Variants in LYPD1 observed in about 807,000 individuals in gnomAD.
LYPD1 encodes the protein ly6/PLAUR domain-containing protein 1.
A neutral mutation model predicts 14.2 loss-of-function variants in LYPD1; 14 were observed. The observed-to-expected ratio is 0.99, with a 90% CI of 0.65 to 1.54. The LOEUF (loss-of-function observed/expected upper bound fraction) is 1.54. Ranked by LOEUF, LYPD1 falls within the 40% of genes most tolerant of loss-of-function variation. LYPD1 has a pLI of 0.00. For missense variants in LYPD1, 165 were observed against 175.7 expected (o/e 0.94, Z 0.34); for synonymous variants, 85 against 70.6 (o/e 1.20, Z -1.02).
At position 132,653,055 on chromosome 2, in the gene LYPD1, A is replaced by G. The variant is rs368409511; in HGVS notation, c.191-6775T>C. Among the ~76,000 whole-genome samples, 5 of 152,344 alleles carry G rather than the reference A, an allele frequency of 3.3e-5. No individual in the cohort carries two copies. In the East Asian group the frequency reaches 5.8e-4, roughly 18 times the overall value. Reference sequence around the variant, plus strand: ...CCAAGCTCTGGAGTTTCCAGAAGCCATGATCCTCTCCTTTAATGGCCTTAT... The same window carrying G: ...CCAAGCTCTGGAGTTTCCAGAAGCCGTGATCCTCTCCTTTAATGGCCTTAT... On this transcript the variant is annotated intron_variant, in intron 2 of 2. Coordinates refer to ENST00000397463, the MANE Select transcript of LYPD1 (RefSeq NM_144586.7).
rs1363657870 is a variant in LYPD1 at position 132,645,985 on chromosome 2, G to A, written c.*60C>T. 1 of 1,285,534 alleles carries A rather than the reference G, an allele frequency of 7.8e-7. No individual in the cohort carries two copies. The highest frequency in any genetic ancestry group is 1.1e-6 in the Non-Finnish European group (1 of 939,208). 79.6% of individuals were successfully genotyped at this position (1,285,534 alleles called of 1,614,324 possible). ...CCAGAAGAAACTCACTCAGGGAGGT[G>A]GGGGGTTGGGGGCGAGGGCTGGAAG... On this transcript the variant is annotated 3_prime_UTR_variant, in exon 3 of 3. Coordinates refer to ENST00000397463, the MANE Select transcript of LYPD1 (RefSeq NM_144586.7).
chr2:132,649,245 G>T (rs1001385305), intron 2 of LYPD1, among the ~76,000 whole-genome samples: 2 of 152,092 alleles, frequency 1.3e-5, no homozygotes, highest in African/African-American at 4.8e-5. Flanking sequence ...AGAAAACAAA[G>T]GCATTTTACT....
upstream of LYPD1, chr2:132,670,215 C>A (rs923617786): frequency 6.3e-6 from 6 of 949,560 alleles, no homozygotes; most frequent in Admixed American, 4.5e-5. This position sits in a 1 kb window ranked among gnomAD's most constrained non-coding sequence, Gnocchi z 4.5. Context: ...GAACTACTGG[C>A]GATCGGGAGC....
chr2:132,670,041 C>A lies in LYPD1; in HGVS notation c.-109G>T, dbSNP rs1238958425. The A allele has an allele frequency of 1.3e-6, 2 of 1,544,728 alleles. No individual in the cohort carries two copies. The highest frequency in any genetic ancestry group is 3.9e-5 in the Admixed American group (2 of 51,216). On this transcript the variant is annotated 5_prime_UTR_variant, in exon 1 of 3. Coordinates refer to ENST00000397463, the MANE Select transcript of LYPD1 (RefSeq NM_144586.7). This position sits in a 1 kb window ranked among gnomAD's most constrained non-coding sequence, Gnocchi z 4.5. ...TGGCTGCCGAGGCTGCTGGGGCCCG[C>A]GCTGCTGCCGCGGAGACGACGGTCG...
chr2:132,646,286 A>C lies in LYPD1; in HGVS notation c.191-6T>G. 6.8e-7 allele frequency: 1 copy of C among 1,477,834 alleles called. No homozygotes were observed. The highest frequency in any genetic ancestry group is 9.0e-7 in the Non-Finnish European group (1 of 1,107,426). The allele number at this position is 1,477,834 out of a possible 1,614,324, so 91.5% of individuals were successfully genotyped here. A position where few individuals can be genotyped will look rare whatever the true frequency, so the allele number is the denominator to read the frequency against. ...GGACTTGCGGTACATGATCCCTGTAACACAGACCCAAAGGAGCTGAGTTAA... is the reference window on the plus strand; with the variant it reads ...GGACTTGCGGTACATGATCCCTGTACCACAGACCCAAAGGAGCTGAGTTAA... On this transcript the variant is annotated splice_region_variant and splice_polypyrimidine_tract_variant and intron_variant, in intron 2 of 2. Transcript: ENST00000397463.
intron 2 of LYPD1, among the ~76,000 whole-genome samples, chr2:132,661,279 G>T (rs536298061): frequency 6.6e-6 from 1 of 152,244 alleles, no homozygotes; most frequent in African/African-American, 2.4e-5. Flanking sequence ...TAATAGATGG[G>T]CAAGAATGGA....
chr2:132,650,820 C>A (rs534674310), intron 2 of LYPD1, among the ~76,000 whole-genome samples: 66 of 151,960 alleles, frequency 4.3e-4, no homozygotes, highest in African/African-American at 1.4e-3. Context: ...CTCATTTAAT[C>A]TTTGTAGTAA....
intron 2 of LYPD1, among the ~76,000 whole-genome samples, chr2:132,651,061 A>C (rs1231091584): frequency 6.6e-6 from 1 of 152,248 alleles, no homozygotes. Context: ...ATGCATAAAA[A>C]TGTATGGAAA....
chr2:132,668,676 T>C (rs1683434173), intron 1 of LYPD1, 139 bp from the exon 2 acceptor site: 1 of 1,247,616 alleles, frequency 8.0e-7, no homozygotes, highest in East Asian at 2.9e-5. Context: ...CGGGTAGGGC[T>C]GGATGTGGCT....
rs1381791195 is a variant in LYPD1, at chr2:132,644,290, G to A, written c.*1755C>T. ...ATTTGATCTACAGAAGGGCCTTTGAGTGGTCTCTTCTCTAGGGCCTGATTG... is the reference window on the plus strand; with the variant it reads ...ATTTGATCTACAGAAGGGCCTTTGAATGGTCTCTTCTCTAGGGCCTGATTG... On this transcript the variant is annotated 3_prime_UTR_variant, in exon 3 of 3. Transcript: ENST00000397463. Among the ~76,000 whole-genome samples, 2 of 152,238 alleles carry A rather than the reference G, an allele frequency of 1.3e-5. No homozygotes were observed. Among genetic ancestry groups the A allele is most frequent in the East Asian group, 3.8e-4 (2 of 5,198 alleles).
chr2:132,658,330 ATTC>A (rs1682724698), intron 2 of LYPD1, among the ~76,000 whole-genome samples: 1 of 152,228 alleles, frequency 6.6e-6, no homozygotes, highest in South Asian at 2.1e-4. Flanking sequence ...AGCCAAAAAC[ATTC>A]TTATGTGATA....
rs1195004369 is a variant in LYPD1 at position 132,668,552 on chromosome 2, C to T, written c.53-15G>A. 6.2e-7 allele frequency: 1 copy of T among 1,610,136 alleles called. No homozygotes were observed. The highest frequency in any genetic ancestry group is 1.1e-5 in the South Asian group (1 of 90,474). ...CAGCGCAAAGCCTGCGAGACAGACGCAGTCGGGTTCAGATCCGGCCCCCAC... is the reference window on the plus strand; with the variant it reads ...CAGCGCAAAGCCTGCGAGACAGACGTAGTCGGGTTCAGATCCGGCCCCCAC... On this transcript the variant is annotated splice_polypyrimidine_tract_variant and intron_variant, in intron 1 of 2. Transcript: ENST00000397463.
intron 2 of LYPD1, among the ~76,000 whole-genome samples, chr2:132,664,298 C>T (rs1238762450): frequency 6.6e-6 from 1 of 152,194 alleles, no homozygotes; most frequent in Non-Finnish European, 1.5e-5. Flanking sequence ...CTTCTTTCTA[C>T]TAAGAGTGGA....
Position 132,645,797 on chromosome 2 carries a change from C to A in LYPD1, c.*248G>T. On this transcript the variant is annotated 3_prime_UTR_variant, in exon 3 of 3. Transcript: ENST00000397463. ...CAGCCTGGCCTTGACTCCGGTTACA[C>A]AGACATGGGGGTGAACTTTCACTCC... is the stretch of plus-strand genomic sequence containing the variant. 1 of 792,188 alleles carries A rather than the reference C, an allele frequency of 1.3e-6. No homozygotes were observed. Among genetic ancestry groups the A allele is most frequent in the Non-Finnish European group, 1.9e-6 (1 of 513,268 alleles). The allele number at this position is 792,188 out of a possible 1,614,324, so 49.1% of individuals were successfully genotyped here. A position where few individuals can be genotyped will look rare whatever the true frequency, so the allele number is the denominator to read the frequency against.
rs759726132 is a variant in LYPD1, at chr2:132,646,141, C to T, written c.330G>A (p.Arg110=). 3.5e-5 allele frequency: 57 copies of T among 1,611,836 alleles called. No individual in the cohort carries two copies. The Middle Eastern group carries it at 6.6e-4, about 19-fold the overall frequency. ...AGGCAGAACTTCCCCTTTTCTTGGG[C>T]CTTGGCCCGTTACAAAGAGGGGTGT... is the stretch of plus-strand genomic sequence containing the variant. ...CCNTPLCNGP[R]PKKRGSSASA... Residue 110 remains arginine (R), a synonymous_variant, in exon 3 of 3, where the codon AGG becomes AGA. Transcript: ENST00000397463.
At chr2:132,668,893 C>T (rs1259268459) in intron 1 of LYPD1, among the ~76,000 whole-genome samples, 1 of 152,214 alleles carries the variant, frequency 6.6e-6, no homozygotes, top group East Asian at 1.9e-4. Flanking sequence ...CAGCCTAAGC[C>T]AAAGGATTTG....
At chr2:132,648,101 G>A (rs140998400) in intron 2 of LYPD1, among the ~76,000 whole-genome samples, 453 of 152,284 alleles carry the variant, frequency 3.0e-3, no homozygotes, top group African/African-American at 0.01. Context: ...TGATTTCTAA[G>A]GAATACACTT....
chr2:132,660,341 A>G (rs1485516641), intron 2 of LYPD1, among the ~76,000 whole-genome samples: 3 of 152,222 alleles, frequency 2.0e-5, no homozygotes, highest in African/African-American at 7.2e-5. Context: ...GAAGCAATTT[A>G]TTACGAACTC....
intron 2 of LYPD1, among the ~76,000 whole-genome samples, chr2:132,663,894 A>C (rs1683112764): frequency 6.6e-6 from 1 of 152,226 alleles, no homozygotes; most frequent in African/African-American, 2.4e-5. Flanking sequence ...CATGCCTACA[A>C]CATAGCATGG....
Sources: allele counts gnomAD v4.1 joint callset (sites outside exome capture counted in the v4.1 genomes callset), GRCh38; gene constraint gnomAD v4.1.1; non-coding constraint Gnocchi (gnomAD v3.1); transcripts MANE v1.5; gene names NCBI Gene and HGNC (gene_info 2026-07-23, HGNC 2026-07-21).